SIRPA: variants seen among roughly 807,000 people sequenced by gnomAD.
SIRPA encodes the protein signal regulatory protein alpha, also known as tyrosine-protein phosphatase non-receptor type substrate 1.
A neutral mutation model predicts 50.3 loss-of-function variants in SIRPA; 9 were observed. That is an observed-to-expected ratio of 0.18 (90% confidence interval 0.11 to 0.31). The LOEUF (loss-of-function observed/expected upper bound fraction) is 0.31, where lower values mean the gene tolerates loss of function less well. SIRPA is among the 10% of genes least tolerant of loss of function. The probability of loss-of-function intolerance (pLI) is 1.00; values close to 1 mark genes in which losing one functional copy is unlikely to be tolerated. For synonymous variants in SIRPA, 265 were observed against 284.1 expected, an observed-to-expected ratio of 0.93 and a Z score of 0.68; for missense variants, 474 against 661.6, an observed-to-expected ratio of 0.72 and a Z score of 3.11.
Position 1,924,769 on chromosome 20 carries a change from A to T in SIRPA, c.1093A>T (p.Thr365Ser). ...CTATTCCATGTGGTCCCTAGAGAAC[A>T]CTGGATCTAATGAACGGAACATCTA... is the stretch of plus-strand genomic sequence containing the variant. ...EQGSNTAAEN[T>S]GSNERNIYIV... is the part of the protein sequence containing the mutation. The change falls in exon 5 of 8, where the codon ACT becomes TCT. Residue 365 changes from threonine (T) to serine (S), a missense_variant. This residue lies in a region of SIRPA where 180 missense variants were observed against 206.7 expected (regional missense o/e 0.87). Transcript: ENST00000358771. This position sits in a 1 kb window ranked among gnomAD's most constrained non-coding sequence, Gnocchi z 4.5. 1 of 1,613,796 alleles carries T rather than the reference A, an allele frequency of 6.2e-7. No individual in the cohort carries two copies. Among genetic ancestry groups the T allele is most frequent in the Non-Finnish European group, 8.5e-7 (1 of 1,179,866 alleles).
At chr20:1,913,736 C>CT (rs1303489264) in intron 1 of SIRPA, among the ~76,000 whole-genome samples, 3 of 152,132 alleles carry the variant, frequency 2.0e-5, no homozygotes, top group Admixed American at 6.5e-5. Context: ...CATGATCTTT[C>CT]TTTTTTTTGT....
chr20:1,901,864 T>C (rs140256605), intron 1 of SIRPA, among the ~76,000 whole-genome samples: 18 of 151,628 alleles, frequency 1.2e-4, no homozygotes, highest in African/African-American at 3.6e-4. Flanking sequence ...AAGCCGGGAG[T>C]GAGCGATGGG....
intron 1 of SIRPA, among the ~76,000 whole-genome samples, chr20:1,902,247 C>A (rs1984260628): frequency 1.3e-5 from 2 of 152,094 alleles, no homozygotes; most frequent in African/African-American, 4.8e-5. Flanking sequence ...CCGATACTCT[C>A]TCCACATCCC....
At chr20:1,918,145 AAC>A in intron 2 of SIRPA, among the ~76,000 whole-genome samples, 1 of 152,082 alleles carries the variant, frequency 6.6e-6, no homozygotes, top group East Asian at 1.9e-4. Context: ...CTGTGTATAA[AAC>A]ACCCAATGCA....
rs187118657 is a variant in SIRPA, at chr20:1,926,845, A to G, written c.1202-1030A>G. Among the ~76,000 whole-genome samples, 153 of 152,278 alleles carry G rather than the reference A, an allele frequency of 1.0e-3. 1 individual carries two copies. The highest frequency in any genetic ancestry group is 3.5e-3 in the African/African-American group (145 of 41,558). On this transcript the variant is annotated intron_variant, in intron 5 of 7. Coordinates refer to ENST00000358771, the MANE Select transcript of SIRPA (RefSeq NM_001040023.2). Reference sequence around the variant, plus strand: ...AACTAGACCCCCCTTCTCCCTCATTAGGCCCTGGAGGGGTCTGCCCAGCCT... The same window carrying G: ...AACTAGACCCCCCTTCTCCCTCATTGGGCCCTGGAGGGGTCTGCCCAGCCT...
At chr20:1,907,202 C>T (rs1244691027) in intron 1 of SIRPA, among the ~76,000 whole-genome samples, 2 of 152,150 alleles carry the variant, frequency 1.3e-5, no homozygotes, top group Admixed American at 6.5e-5. Context: ...GGAGTGGGGA[C>T]CCTGAGCCCC....
rs966807261 is a variant in SIRPA at position 1,938,441 on chromosome 20, T to C, written c.*873T>C. ...CTGTGGTGTTTTGTTTTGTTTTTTT[T>C]CTTAAAACAACAGCAACGTGATCTT... On this transcript the variant is annotated 3_prime_UTR_variant, in exon 8 of 8. Transcript: ENST00000358771. 1 of 152,688 alleles carries C rather than the reference T, an allele frequency of 6.5e-6. No individual in the cohort carries two copies. Among genetic ancestry groups the C allele is most frequent in the Admixed American group, 6.5e-5 (1 of 15,292 alleles). The allele number at this position is 152,688 out of a possible 1,614,324, so 9.5% of individuals were successfully genotyped here.
At chr20:1,899,542 A>G (rs1048118231) in intron 1 of SIRPA, among the ~76,000 whole-genome samples, 1 of 152,188 alleles carries the variant, frequency 6.6e-6, no homozygotes, top group Non-Finnish European at 1.5e-5. Context: ...CCATGCCCTC[A>G]GCTGAACTCT....
intron 4 of SIRPA, among the ~76,000 whole-genome samples, chr20:1,923,084 C>T (rs1985767010): frequency 6.6e-6 from 1 of 152,226 alleles, no homozygotes; most frequent in African/African-American, 2.4e-5. Context: ...TGCAGCTTGT[C>T]TCACATACAG....
intron 1 of SIRPA, among the ~76,000 whole-genome samples, chr20:1,896,739 C>T (rs1316149200): frequency 2.6e-5 from 4 of 151,972 alleles, no homozygotes; most frequent in Non-Finnish European, 4.4e-5. Flanking sequence ...CTGCAGTTTC[C>T]CCTGAAACCC....
intron 1 of SIRPA, among the ~76,000 whole-genome samples, chr20:1,906,024 G>A (rs558718460): frequency 6.6e-6 from 1 of 152,262 alleles, no homozygotes; most frequent in East Asian, 1.9e-4. Flanking sequence ...GTCATCTGTC[G>A]CCCCCTTCAT....
chr20:1,908,017 A>C (rs1270851551), intron 1 of SIRPA, among the ~76,000 whole-genome samples: 1 of 152,202 alleles, frequency 6.6e-6, no homozygotes, highest in Non-Finnish European at 1.5e-5. Context: ...TGTGGCCAGC[A>C]CATAGTAAGT....
At chr20:1,930,563 C>G (rs1490792075) in intron 6 of SIRPA, among the ~76,000 whole-genome samples, 6 of 152,116 alleles carry the variant, frequency 3.9e-5, no homozygotes, top group Non-Finnish European at 1.5e-5. Flanking sequence ...AGGAGGATCT[C>G]TCTTTTTTGT....
At chr20:1,929,169 G>A (rs1029579887) in intron 6 of SIRPA, among the ~76,000 whole-genome samples, 1 of 152,074 alleles carries the variant, frequency 6.6e-6, no homozygotes, top group African/African-American at 2.4e-5. Context: ...TATCCGCAGT[G>A]GGATGAGGAA....
chr20:1,895,354 G>C (rs1600380954), upstream of SIRPA: 9 of 717,066 alleles, frequency 1.3e-5, no homozygotes, highest in Middle Eastern at 1.8e-3. Flanking sequence ...GAGGGGGGAA[G>C]GGGGGGAGCC....
rs1409816206 is a variant in SIRPA, at chr20:1,915,341, A to G, written c.322A>G (p.Ile108Val). Reference sequence around the variant, plus strand: ...AAACAACATGGACTTTTCCATCCGCATCGGTAACATCACCCCAGCAGATGC... The same window carrying G: ...AAACAACATGGACTTTTCCATCCGCGTCGGTAACATCACCCCAGCAGATGC... ...KRNNMDFSIR[I>V]GNITPADAGT... The change falls in exon 2 of 8, where the codon ATC becomes GTC. Residue 108 changes from isoleucine to valine, a missense_variant. Physicochemically the swap from Ile to Val is conservative, Grantham distance 29 (BLOSUM62 3). This residue lies in a region of SIRPA where 221 missense variants were observed against 359.9 expected (regional missense o/e 0.61). Coordinates refer to ENST00000358771, the MANE Select transcript of SIRPA (RefSeq NM_001040023.2). 5.6e-6 allele frequency: 9 copies of G among 1,612,834 alleles called. No individual in the cohort carries two copies. Among genetic ancestry groups the G allele is most frequent in the African/African-American group, 1.3e-5 (1 of 74,784 alleles).
In SIRPA at chr20:1,922,573, C is replaced by G. The variant is rs1329535913; in HGVS notation, c.1015C>G (p.Pro339Ala). The change falls in exon 4 of 8, where the codon CCA (proline) becomes GCA (alanine). Residue 339 changes from proline to alanine, a missense_variant. By Grantham distance (27) the Pro-to-Ala change is conservative (BLOSUM62 -1). Coordinates refer to ENST00000358771, the MANE Select transcript of SIRPA (RefSeq NM_001040023.2). ...CTGCCAGGTGGAGCATGACGGGCAGCCAGCGGTCAGCAAAAGCCATGACCT... is the reference window on the plus strand; with the variant it reads ...CTGCCAGGTGGAGCATGACGGGCAGGCAGCGGTCAGCAAAAGCCATGACCT... ...LTCQVEHDGQ[P>A]AVSKSHDLKV... is the part of the protein sequence containing the mutation. 4 of 1,614,184 alleles carry G rather than the reference C, an allele frequency of 2.5e-6. No individual in the cohort carries two copies. Among genetic ancestry groups the G allele is most frequent in the African/African-American group, 1.3e-5 (1 of 75,064 alleles).
rs1400635646 is a variant in SIRPA at position 1,933,380 on chromosome 20, A to G, written c.1227-1335A>G. Among the ~76,000 whole-genome samples the G allele has an allele frequency of 6.6e-6, 1 of 150,540 alleles. No individual in the cohort carries two copies. The highest frequency in any genetic ancestry group is 1.5e-5 in the Non-Finnish European group (1 of 67,864). ...CCTTCGAGGCTGCTATTGAAGCATG[A>G]AGTACATAACATCAAATGCCACCCC... On this transcript the variant is annotated intron_variant, in intron 6 of 7. Transcript: ENST00000358771. The surrounding 1 kb of genome is among the most constrained non-coding windows in gnomAD (Gnocchi z 4.4).
At chr20:1,895,369 T>G, upstream of SIRPA, 1 of 840,018 alleles carries the variant, frequency 1.2e-6, no homozygotes, top group East Asian at 3.4e-5. Flanking sequence ...GGAGCCTTAG[T>G]CATTTCCCCG....
Sources: gnomAD v4.1 joint callset for allele counts (sites outside exome capture counted in the v4.1 genomes callset) on GRCh38, gnomAD v4.1.1 for gene constraint, gnomAD v4.1.1 regional missense constraint, Gnocchi (gnomAD v3.1) non-coding constraint, MANE v1.5 for transcripts, NCBI Gene and HGNC (gene_info 2026-07-23, HGNC 2026-07-21) for gene names.